Variants in PLEKHG5 observed in about 807,000 individuals in gnomAD.
PLEKHG5 encodes the protein pleckstrin homology and RhoGEF domain containing G5, also known as pleckstrin homology domain-containing family G member 5.
Under a neutral mutation model 103.8 loss-of-function variants are expected in PLEKHG5, and 52 were observed. The ratio of observed to expected loss-of-function variants is 0.50; its 90% confidence interval spans 0.40 to 0.63. The LOEUF (loss-of-function observed/expected upper bound fraction) is 0.63, where lower values mean the gene tolerates loss of function less well. PLEKHG5 is among the 30% of genes least tolerant of loss of function. PLEKHG5 has a pLI of 0.00. For synonymous variants in PLEKHG5, 592 were observed against 575.5 expected, an observed-to-expected ratio of 1.03 and a Z score of -0.41; for missense variants, 1,205 against 1,347.6, an observed-to-expected ratio of 0.89 and a Z score of 1.66.
At chr1:6,507,754 G>C (rs1040703044) in intron 1 of PLEKHG5, among the ~76,000 whole-genome samples, 9 of 152,228 alleles carry the variant, frequency 5.9e-5, no homozygotes, top group Non-Finnish European at 1.2e-4. Flanking sequence ...CCATATGCCT[G>C]CCTGGCCGGC....
chr1:6,504,867 C>T (rs1464014084), intron 1 of PLEKHG5, among the ~76,000 whole-genome samples: 1 of 152,184 alleles, frequency 6.6e-6, no homozygotes, highest in Non-Finnish European at 1.5e-5. Context: ...CCGTGCCCAG[C>T]CTACACCTCC....
At chr1:6,488,414 T>C (rs1645079905) in intron 1 of PLEKHG5, among the ~76,000 whole-genome samples, 2 of 152,134 alleles carry the variant, frequency 1.3e-5, no homozygotes, top group South Asian at 4.1e-4. Context: ...GCCCTGGAGA[T>C]TGCCTTCCTG....
chr1:6,472,704 C>T, intron 9 of PLEKHG5, 82 bp from the exon 10 acceptor site: 2 of 990,774 alleles, frequency 2.0e-6, no homozygotes, highest in Non-Finnish European at 3.1e-6. Context: ...CTGCATGCAA[C>T]TCTCATTTTC....
intron 1 of PLEKHG5, among the ~76,000 whole-genome samples, chr1:6,485,040 C>G (rs566123660): frequency 1.3e-5 from 2 of 152,166 alleles, no homozygotes; most frequent in South Asian, 4.1e-4. Flanking sequence ...CAGCATAGGG[C>G]CCGGGACCCA....
chr1:6,481,305 C>A (rs1375576326), intron 1 of PLEKHG5, among the ~76,000 whole-genome samples: 4 of 151,940 alleles, frequency 2.6e-5, no homozygotes, highest in African/African-American at 2.4e-5. Context: ...CCGAGGCGGG[C>A]GGGTCACCTG....
rs140428005 is a variant in PLEKHG5 at position 6,475,996 on chromosome 1, C to T, written c.84G>A (p.Pro28=). ...LARNVSTRSC[P]PRTSPAVDLE... ...AGTCCACTGCGGGGCTGGTGCGCGGCGGGCATGACCGGGTGGACACGTTCC... is the reference window on the plus strand; with the variant it reads ...AGTCCACTGCGGGGCTGGTGCGCGGTGGGCATGACCGGGTGGACACGTTCC... The change falls in exon 3 of 21, where the codon CCG becomes CCA. Residue 28 remains proline (P), a synonymous_variant. Coordinates refer to ENST00000377728, the MANE Select transcript of PLEKHG5 (RefSeq NM_020631.6). 3.6e-5 allele frequency: 58 copies of T among 1,613,714 alleles called. No individual in the cohort carries two copies. In the East Asian group the frequency reaches 5.3e-4, roughly 15 times the overall value.
chr1:6,491,754 G>A, upstream of PLEKHG5: 1 of 938,448 alleles, frequency 1.1e-6, no homozygotes, highest in Non-Finnish European at 1.3e-6. This position sits in a 1 kb window ranked among gnomAD's most constrained non-coding sequence, Gnocchi z 4.1. Context: ...CCACCTCACA[G>A]GCCATTGTTA....
At chr1:6,488,452 T>A (rs1645080478) in intron 1 of PLEKHG5, among the ~76,000 whole-genome samples, 1 of 152,150 alleles carries the variant, frequency 6.6e-6, no homozygotes, top group Admixed American at 6.5e-5. Flanking sequence ...AAAGCCAGCT[T>A]GTGGGGAGCC....
At chr1:6,493,938 G>A (rs1460843501), upstream of PLEKHG5, among the ~76,000 whole-genome samples, 1 of 151,212 alleles carries the variant, frequency 6.6e-6, no homozygotes, top group Non-Finnish European at 1.5e-5. Flanking sequence ...GGGATTACAG[G>A]CATGAGCCCC....
chr1:6,479,667 G>A (rs74562513), intron 1 of PLEKHG5, among the ~76,000 whole-genome samples: 1 of 151,818 alleles, frequency 6.6e-6, no homozygotes, highest in Non-Finnish European at 1.5e-5. Context: ...GGCTGGAGTA[G>A]TATGGCATGA....
chr1:6,517,106 C>T (rs1415549186), intron 1 of PLEKHG5, among the ~76,000 whole-genome samples: 4 of 138,072 alleles, frequency 2.9e-5, no homozygotes, highest in Admixed American at 2.8e-4. Flanking sequence ...AAAAAAAGGC[C>T]AGGCGCGGTA....
At position 6,484,761 on chromosome 1, in the gene PLEKHG5, G is replaced by A. The variant is rs190687592; in HGVS notation, c.-88+6876C>T. ...TCCTGCAGGAGGGACACCAGGGTCC[G>A]GGGGGGAATGTTCCCAGGTCTCAAC... On this transcript the variant is annotated intron_variant, in intron 1 of 20. Coordinates refer to ENST00000377728, the MANE Select transcript of PLEKHG5 (RefSeq NM_020631.6). Among the ~76,000 whole-genome samples, 95 of 152,166 alleles carry A rather than the reference G, an allele frequency of 6.2e-4. 1 individual carries two copies. Among genetic ancestry groups the A allele is most frequent in the African/African-American group, 2.0e-3 (83 of 41,520 alleles).
chr1:6,471,703 G>T, intron 11 of PLEKHG5, 55 bp downstream of exon 11: 1 of 1,585,322 alleles, frequency 6.3e-7, no homozygotes, highest in Non-Finnish European at 8.6e-7. Flanking sequence ...CCAGGTCCAG[G>T]TCCCGCCCTC....
At chr1:6,498,457 C>T (rs768416028), upstream of PLEKHG5, among the ~76,000 whole-genome samples, 2 of 152,212 alleles carry the variant, frequency 1.3e-5, no homozygotes, top group Non-Finnish European at 2.9e-5. Context: ...GTCTCCTGAG[C>T]TCTCTGGATT....
chr1:6,518,834 C>T (rs1177546912), intron 1 of PLEKHG5, among the ~76,000 whole-genome samples: 1 of 152,232 alleles, frequency 6.6e-6, no homozygotes, highest in African/African-American at 2.4e-5. Flanking sequence ...CCAGAGCAAC[C>T]CTTTGGCATA....
At chr1:6,517,306 C>CAAA (rs779260887) in intron 1 of PLEKHG5, among the ~76,000 whole-genome samples, 21 of 62,424 alleles carry the variant, frequency 3.4e-4, no homozygotes, top group African/African-American at 9.5e-4. Context: ...GACTCCATCT[C>CAAA]AAAAAAAAAA....
intron 19 of PLEKHG5, 42 bp downstream of exon 19, chr1:6,469,000 T>G: frequency 1.3e-6 from 2 of 1,538,902 alleles, no homozygotes; most frequent in Non-Finnish European, 1.8e-6. Context: ...GCTAGAGTAC[T>G]TGTCCTGGTT....
chr1:6,495,165 G>C (rs539285563), upstream of PLEKHG5, among the ~76,000 whole-genome samples: 87 of 152,370 alleles, frequency 5.7e-4, no homozygotes, highest in African/African-American at 2.0e-3. Flanking sequence ...ATGTATATTG[G>C]GGGGAGCTGA....
At position 6,490,737 on chromosome 1, in the gene PLEKHG5, G is replaced by T; in HGVS notation, c.-88+900C>A. ...CCAGGGAGGTGGCTGGAGGCCGGGCGGTGGCTTGGGGTAATCCAGGATCCG... is the reference window on the plus strand; with the variant it reads ...CCAGGGAGGTGGCTGGAGGCCGGGCTGTGGCTTGGGGTAATCCAGGATCCG... On this transcript the variant is annotated intron_variant, in intron 1 of 20. Coordinates refer to ENST00000377728, the MANE Select transcript of PLEKHG5 (RefSeq NM_020631.6). This position sits in a 1 kb window ranked among gnomAD's most constrained non-coding sequence, Gnocchi z 8.0. 1 of 297,852 alleles carries T rather than the reference G, an allele frequency of 3.4e-6. No homozygotes were observed. Among genetic ancestry groups the T allele is most frequent in the Non-Finnish European group, 5.0e-6 (1 of 201,650 alleles). The allele number at this position is 297,852 out of a possible 1,614,324, so 18.5% of individuals were successfully genotyped here.
Sources: gnomAD v4.1 joint callset for allele counts (sites outside exome capture counted in the v4.1 genomes callset) on GRCh38, gnomAD v4.1.1 for gene constraint, Gnocchi (gnomAD v3.1) non-coding constraint, MANE v1.5 for transcripts, NCBI Gene and HGNC (gene_info 2026-07-23, HGNC 2026-07-21) for gene names.